Variants in RYK observed in about 807,000 individuals in gnomAD.
RYK encodes the protein inactive tyrosine-protein kinase RYK.
RYK carries 21 observed loss-of-function variants against 70.2 expected under a neutral mutation model. The ratio of observed to expected loss-of-function variants is 0.30; its 90% confidence interval spans 0.21 to 0.43. The LOEUF (loss-of-function observed/expected upper bound fraction) is 0.43. RYK is among the 20% of genes least tolerant of loss of function. The pLI, the probability that RYK is intolerant of heterozygous loss-of-function variation, is 1.00. For synonymous variants in RYK, 267 were observed against 278.0 expected (o/e 0.96, Z 0.39); for missense variants, 604 against 753.3 (o/e 0.80, Z 2.32).
At chr3:134,222,368 C>CTG in intron 2 of RYK, 50 bp downstream of exon 2, 1 of 1,609,052 alleles carries the variant, frequency 6.2e-7, no homozygotes, top group Non-Finnish European at 8.5e-7. Flanking sequence ...GCCCTTGCCT[C>CTG]TGTGGCTGGG....
At chr3:134,220,833 T>C (rs1440303862) in intron 2 of RYK, among the ~76,000 whole-genome samples, 1 of 152,186 alleles carries the variant, frequency 6.6e-6, no homozygotes, top group Non-Finnish European at 1.5e-5. Flanking sequence ...CATCATCCCA[T>C]TACCTGGATT....
chr3:134,212,639 T>G (rs942258804), intron 2 of RYK, among the ~76,000 whole-genome samples: 2 of 152,176 alleles, frequency 1.3e-5, no homozygotes, highest in African/African-American at 4.8e-5. Flanking sequence ...TCCAAAGCTT[T>G]TCTTTGTTTT....
intron 5 of RYK, among the ~76,000 whole-genome samples, chr3:134,206,306 T>C (rs1210866002): frequency 6.6e-6 from 1 of 152,118 alleles, no homozygotes; most frequent in African/African-American, 2.4e-5. Context: ...AAGTGCAAAA[T>C]CTATCTGCCA....
At chr3:134,160,783 A>G (rs2012439691) in intron 13 of RYK, among the ~76,000 whole-genome samples, 1 of 152,188 alleles carries the variant, frequency 6.6e-6, no homozygotes, top group South Asian at 2.1e-4. Context: ...TAAACCCGGG[A>G]GGCGGAGGTT....
rs1437310764 is a variant in RYK at position 134,157,234 on chromosome 3, AAAAC to A, written c.*915_*918del. ...ACAAAATTTACCAGTTTACATTTAA[AAAAC>A]AAACAAAAAACGACAACAACTCAAG... On this transcript the variant is annotated 3_prime_UTR_variant, in exon 15 of 15. Coordinates refer to ENST00000623711, the MANE Select transcript of RYK (RefSeq NM_002958.4). 1 of 152,690 alleles carries A rather than the reference AAAAC, an allele frequency of 6.5e-6. No homozygotes were observed. The highest frequency in any genetic ancestry group is 1.5e-5 in the Non-Finnish European group (1 of 68,050). The allele number at this position is 152,690 out of a possible 1,614,324, so 9.5% of individuals were successfully genotyped here.
At chr3:134,224,495 T>C (rs1008646886) in intron 1 of RYK, among the ~76,000 whole-genome samples, 4 of 152,194 alleles carry the variant, frequency 2.6e-5, no homozygotes, top group East Asian at 1.9e-4. Context: ...TGCTAAAGCA[T>C]AGCATCGCAG....
chr3:134,171,519 C>T (rs1297973523), intron 13 of RYK, among the ~76,000 whole-genome samples: 1 of 152,124 alleles, frequency 6.6e-6, no homozygotes, highest in Admixed American at 6.5e-5. Flanking sequence ...AAAATAATTC[C>T]TATCATCGCT....
At chr3:134,209,659 A>G (rs1352222631) in intron 4 of RYK, 36 bp downstream of exon 4, 2 of 1,354,926 alleles carry the variant, frequency 1.5e-6, no homozygotes, top group South Asian at 3.2e-5. Context: ...CTTCTCACAT[A>G]CATGTAAAAC....
At chr3:134,218,980 A>G (rs2014648221) in intron 2 of RYK, among the ~76,000 whole-genome samples, 1 of 152,130 alleles carries the variant, frequency 6.6e-6, no homozygotes, top group South Asian at 2.1e-4. Context: ...AAATAGTCAT[A>G]CCCTCCAAAA....
At chr3:134,236,400 A>G (rs1488654003) in intron 1 of RYK, among the ~76,000 whole-genome samples, 1 of 152,180 alleles carries the variant, frequency 6.6e-6, no homozygotes, top group Non-Finnish European at 1.5e-5. Context: ...TGTACACTGA[A>G]AACTACAAAC....
chr3:134,169,173 T>C (rs935390060), intron 13 of RYK, among the ~76,000 whole-genome samples: 5 of 152,226 alleles, frequency 3.3e-5, no homozygotes, highest in African/African-American at 9.6e-5. Context: ...ATGGAAGTTA[T>C]TTCCTTGACT....
intron 4 of RYK, among the ~76,000 whole-genome samples, chr3:134,208,884 A>T (rs1485688774): frequency 2.6e-5 from 4 of 152,176 alleles, no homozygotes; most frequent in Non-Finnish European, 5.9e-5. Context: ...CTTAGAACAC[A>T]GTAAGCACTG....
chr3:134,169,117 T>C (rs1053891554), intron 13 of RYK, among the ~76,000 whole-genome samples: 1 of 152,226 alleles, frequency 6.6e-6, no homozygotes, highest in African/African-American at 2.4e-5. Flanking sequence ...CAAATACTTT[T>C]AAAAGGATCT....
chr3:134,211,698 G>T, intron 2 of RYK, 91 bp from the exon 3 acceptor site: 8 of 778,266 alleles, frequency 1.0e-5, no homozygotes, highest in African/African-American at 1.7e-5. Flanking sequence ...ATTAATCAAT[G>T]GATGAGCCTT....
chr3:134,171,334 T>C (rs2012899515), intron 13 of RYK, among the ~76,000 whole-genome samples: 5 of 152,182 alleles, frequency 3.3e-5, no homozygotes, highest in Admixed American at 2.6e-4. Context: ...AACCAAACCA[T>C]GTATCCTCAA....
At chr3:134,185,098 C>A (rs1043034279) in intron 9 of RYK, among the ~76,000 whole-genome samples, 2 of 151,858 alleles carry the variant, frequency 1.3e-5, no homozygotes, top group African/African-American at 2.4e-5. Flanking sequence ...TGTGCCACTG[C>A]ACTCCAGCCT....
chr3:134,188,216 A>G (rs965470096), intron 9 of RYK, among the ~76,000 whole-genome samples: 3 of 146,572 alleles, frequency 2.0e-5, no homozygotes, highest in East Asian at 4.0e-4. Context: ...GCTGGAGTGC[A>G]GTGGCATGAT....
At chr3:134,175,061 C>T (rs1035206559) in intron 13 of RYK, among the ~76,000 whole-genome samples, 12 of 152,130 alleles carry the variant, frequency 7.9e-5, no homozygotes, top group Admixed American at 1.3e-4. Flanking sequence ...TGTCAATGGG[C>T]GTGGTGGCTC....
At chr3:134,239,624 G>A (rs1206748964) in intron 1 of RYK, among the ~76,000 whole-genome samples, 1 of 152,212 alleles carries the variant, frequency 6.6e-6, no homozygotes, top group African/African-American at 2.4e-5. Context: ...GCACAGGATA[G>A]TGAATTTTTT....
Sources: allele counts gnomAD v4.1 joint callset (sites outside exome capture counted in the v4.1 genomes callset), GRCh38; gene constraint gnomAD v4.1.1; transcripts MANE v1.5; gene names NCBI Gene and HGNC (gene_info 2026-07-23, HGNC 2026-07-21).